PHACTR3: variants seen among roughly 807,000 people sequenced by gnomAD.
The protein encoded by PHACTR3 is phosphatase and actin regulator 3.
Under a neutral mutation model 66.8 loss-of-function variants are expected in PHACTR3, and 16 were observed. The observed-to-expected ratio is 0.24, with a 90% CI of 0.16 to 0.36. The LOEUF (loss-of-function observed/expected upper bound fraction) is 0.36, where lower values mean the gene tolerates loss of function less well. Ranked by LOEUF, PHACTR3 falls within the 10% of genes least tolerant of loss-of-function variation. The pLI, the probability that PHACTR3 is intolerant of heterozygous loss-of-function variation, is 1.00. For synonymous variants in PHACTR3, 323 were observed against 292.1 expected (o/e 1.11, Z -1.08); for missense variants, 647 against 719.9 (o/e 0.90, Z 1.16).
intron 1 of PHACTR3, among the ~76,000 whole-genome samples, chr20:59,616,046 G>A (rs6026999): frequency 0.12 from 17,746 of 152,176 alleles, 1,428 homozygotes; most frequent in East Asian, 0.31. Context: ...GCTTGCAGAT[G>A]TGTGGTCTCT....
intron 8 of PHACTR3, among the ~76,000 whole-genome samples, chr20:59,815,749 C>G (rs1266160373): frequency 6.6e-6 from 1 of 152,070 alleles, no homozygotes; most frequent in Non-Finnish European, 1.5e-5. Context: ...TAGTGAACCC[C>G]AAGGTTGCAA....
At chr20:59,655,444 G>A (rs1455198405) in intron 1 of PHACTR3, among the ~76,000 whole-genome samples, 2 of 151,922 alleles carry the variant, frequency 1.3e-5, no homozygotes, top group Non-Finnish European at 2.9e-5. Flanking sequence ...TTATTGGCAT[G>A]CAGTTATTTA....
At chr20:59,803,218 A>C (rs1600683618) in intron 7 of PHACTR3, among the ~76,000 whole-genome samples, 1 of 152,372 alleles carries the variant, frequency 6.6e-6, no homozygotes, top group East Asian at 1.9e-4. Flanking sequence ...CAGGACTGGA[A>C]AAGGTGAAAC....
chr20:59,841,247 T>TAGAG (rs1231967830), intron 10 of PHACTR3, 148 bp from the exon 11 acceptor site: 1 of 707,300 alleles, frequency 1.4e-6, no homozygotes, highest in Non-Finnish European at 2.3e-6. Flanking sequence ...CCCTTCACAT[T>TAGAG]AGAGATTGCT....
intron 1 of PHACTR3, among the ~76,000 whole-genome samples, chr20:59,741,911 C>T (rs367996933): frequency 6.6e-6 from 1 of 152,100 alleles, no homozygotes; most frequent in African/African-American, 2.4e-5. Context: ...TACAGGTACC[C>T]GCCACCACAC....
rs1056788710 is a variant in PHACTR3, at chr20:59,628,800, T to C, written c.118+23668T>C. 1.8e-5 allele frequency: 18 copies of C among 985,470 alleles called. No individual in the cohort carries two copies. In the South Asian group the frequency reaches 8.0e-4, roughly 44 times the overall value. The allele number at this position is 985,470 out of a possible 1,614,324, so 61.0% of individuals were successfully genotyped here. A position where few individuals can be genotyped will look rare whatever the true frequency, so the allele number is the denominator to read the frequency against. ...GGACTGAGAAGCCACAGCCCTGCGC[T>C]GGGAAGAGCCACGGAGGTTAGATCT... On this transcript the variant is annotated intron_variant, in intron 1 of 12. Coordinates refer to ENST00000371015, the MANE Select transcript of PHACTR3 (RefSeq NM_080672.5).
intron 1 of PHACTR3, among the ~76,000 whole-genome samples, chr20:59,673,198 C>T (rs1364811345): frequency 6.6e-6 from 1 of 152,226 alleles, no homozygotes; most frequent in Non-Finnish European, 1.5e-5. Context: ...GTGGGCATGG[C>T]AGGAGTGACC....
At chr20:59,672,462 G>A (rs1361148868) in intron 1 of PHACTR3, among the ~76,000 whole-genome samples, 1 of 152,182 alleles carries the variant, frequency 6.6e-6, no homozygotes, top group African/African-American at 2.4e-5. Flanking sequence ...CTGATATTTG[G>A]GGAGGCCCTA....
At chr20:59,798,081 C>T (rs761720306) in intron 7 of PHACTR3, among the ~76,000 whole-genome samples, 1 of 152,092 alleles carries the variant, frequency 6.6e-6, no homozygotes, top group African/African-American at 2.4e-5. Context: ...ATTTATTTTT[C>T]CCAGTTCTGG....
intron 8 of PHACTR3, among the ~76,000 whole-genome samples, chr20:59,812,962 G>A (rs1038562374): frequency 2.0e-5 from 3 of 152,144 alleles, no homozygotes; most frequent in Non-Finnish European, 4.4e-5. Flanking sequence ...CAGGGCCCTC[G>A]CTCCCAGCCA....
At chr20:59,606,828 G>A (rs1305842420) in intron 1 of PHACTR3, among the ~76,000 whole-genome samples, 1 of 152,134 alleles carries the variant, frequency 6.6e-6, no homozygotes, top group African/African-American at 2.4e-5. Flanking sequence ...TGCGTGGGAG[G>A]GCACAGGCTT....
rs2059172323 is a variant in PHACTR3 at position 59,847,481 on chromosome 20, G to C, written c.*351G>C. The C allele has an allele frequency of 4.6e-6, 1 of 218,348 alleles. No homozygotes were observed. Among genetic ancestry groups the C allele is most frequent in the South Asian group, 1.6e-4 (1 of 6,100 alleles). The allele number at this position is 218,348 out of a possible 1,614,324, so 13.5% of individuals were successfully genotyped here. A position where few individuals can be genotyped will look rare whatever the true frequency, so the allele number is the denominator to read the frequency against. ...GCATGTGCAGGCTCACCACTCCCAG[G>C]CCTCTGACATGAGGGACATGTGACA... On this transcript the variant is annotated 3_prime_UTR_variant, in exon 13 of 13. Coordinates refer to ENST00000371015, the MANE Select transcript of PHACTR3 (RefSeq NM_080672.5).
chr20:59,673,573 A>G (rs2036269112), intron 1 of PHACTR3, among the ~76,000 whole-genome samples: 2 of 152,098 alleles, frequency 1.3e-5, no homozygotes, highest in East Asian at 3.9e-4. Flanking sequence ...GCCTGGCAGC[A>G]CCTGGGGCTC....
chr20:59,593,971 G>A (rs1349642976), intron 1 of PHACTR3, among the ~76,000 whole-genome samples: 1 of 152,202 alleles, frequency 6.6e-6, no homozygotes, highest in African/African-American at 2.4e-5. Context: ...TCAACAGCGT[G>A]TTGGGGATGC....
intron 1 of PHACTR3, among the ~76,000 whole-genome samples, chr20:59,692,066 A>G (rs1337274474): frequency 6.6e-6 from 1 of 152,228 alleles, no homozygotes; most frequent in Non-Finnish European, 1.5e-5. Context: ...TAGCCTTCCG[A>G]GACAGGACGC....
At chr20:59,764,181 A>T (rs78389974) in intron 4 of PHACTR3, among the ~76,000 whole-genome samples, 3,388 of 152,198 alleles carry the variant, frequency 0.022, 58 homozygotes, top group Non-Finnish European at 0.035. Context: ...CAGACATAGA[A>T]GATAGATCCA....
chr20:59,775,882 G>A (rs1001885350), intron 7 of PHACTR3, among the ~76,000 whole-genome samples: 2 of 152,214 alleles, frequency 1.3e-5, no homozygotes, highest in Non-Finnish European at 1.5e-5. Flanking sequence ...GAGGCCAGGC[G>A]ATTCTCTGCT....
chr20:59,704,317 T>C (rs1205882746), intron 1 of PHACTR3, among the ~76,000 whole-genome samples: 12 of 152,186 alleles, frequency 7.9e-5, no homozygotes, highest in Admixed American at 7.9e-4. Flanking sequence ...TTCAGAAGTT[T>C]GAAAAATTGT....
chr20:59,817,016 C>G (rs2041905411), intron 8 of PHACTR3, among the ~76,000 whole-genome samples: 1 of 152,168 alleles, frequency 6.6e-6, no homozygotes, highest in Admixed American at 6.5e-5. Context: ...TCCATCCATG[C>G]AACTGTCTCA....
Sources: allele counts gnomAD v4.1 joint callset (sites outside exome capture counted in the v4.1 genomes callset), GRCh38; gene constraint gnomAD v4.1.1; transcripts MANE v1.5; gene names NCBI Gene and HGNC (gene_info 2026-07-23, HGNC 2026-07-21).